Variants in CNTRL observed in about 807,000 individuals in gnomAD.
CNTRL encodes the protein 110 kDa centrosomal protein.
In CNTRL, 233 loss-of-function variants were observed where a neutral mutation model predicts 303.7. The ratio of observed to expected loss-of-function variants is 0.77; its 90% CI spans 0.69 to 0.86. The LOEUF (loss-of-function observed/expected upper bound fraction) is 0.86. Among genes scored for constraint, CNTRL ranks in the 40% least tolerant of loss-of-function variants. The pLI is 0.00. For missense variants in CNTRL, 2,524 were observed against 2,650.6 expected (o/e 0.95, Z 1.05); for synonymous variants, 900 against 922.2 (o/e 0.98, Z 0.44).
At chr9:121,132,801 A>T (rs1043712080) in intron 14 of CNTRL, among the ~76,000 whole-genome samples, 1 of 151,968 alleles carries the variant, frequency 6.6e-6, no homozygotes, top group African/African-American at 2.4e-5. Context: ...TCTTTGGTCT[A>T]CCTCCAGATG....
At position 121,112,539 on chromosome 9, in the gene CNTRL, T is replaced by C; in HGVS notation, c.1083T>C (p.Ile361=). Reference sequence around the variant, plus strand: ...AACAGGAATTGGCCTTTTATAAAATTGATGCTAAATTTGAGCCACTAAATT... The same window carrying C: ...AACAGGAATTGGCCTTTTATAAAATCGATGCTAAATTTGAGCCACTAAATT... The part of the protein sequence containing the change: ...ELEQELAFYK[I]DAKFEPLNYY... Residue 361 remains isoleucine, a synonymous_variant, in exon 9 of 44, where the codon ATT becomes ATC. Transcript: ENST00000373855. The C allele has an allele frequency of 1.2e-6, 2 of 1,612,604 alleles. No homozygotes were observed. Among genetic ancestry groups the C allele is most frequent in the South Asian group, 1.1e-5 (1 of 91,046 alleles).
At chr9:121,122,575 G>T (rs2050289771) in intron 12 of CNTRL, 1 of 226,176 alleles carries the variant, frequency 4.4e-6, no homozygotes, top group Non-Finnish European at 7.4e-6. Context: ...TGATCCTGTG[G>T]GTACCAACTT....
chr9:121,171,200 A>G (rs1588339463), intron 39 of CNTRL: 3 of 644,420 alleles, frequency 4.7e-6, no homozygotes, highest in East Asian at 6.1e-5. Flanking sequence ...GCTTATTATC[A>G]AAGGTAATGC....
intron 15 of CNTRL, 30 bp from the exon 16 acceptor site, chr9:121,138,515 C>T (rs2051319808): frequency 1.2e-6 from 2 of 1,604,006 alleles, no homozygotes; most frequent in East Asian, 2.2e-5. Context: ...CTGTTTTACA[C>T]TTTCATGTCA....
At chr9:121,091,798 C>T (rs1054926313) in intron 4 of CNTRL, among the ~76,000 whole-genome samples, 1 of 151,410 alleles carries the variant, frequency 6.6e-6, no homozygotes, top group East Asian at 1.9e-4. Context: ...GAGCCAAGAT[C>T]GCGCCATTGT....
At position 121,162,172 on chromosome 9, in the gene CNTRL, C is replaced by A. The variant is rs1179501566; in HGVS notation, c.5324C>A (p.Ser1775Tyr). Residue 1775 changes from serine (S) to tyrosine (Y), a missense_variant, in exon 34 of 44, where the codon TCC becomes TAC. Coordinates refer to ENST00000373855, the MANE Select transcript of CNTRL (RefSeq NM_007018.6). ...KREIERMTAE[S>Y]RALQSCVECL... ...GAAATAGAACGAATGACTGCTGAGT[C>A]CCGAGCTTTACAATCGTGTGTTGAG... 1 of 1,614,076 alleles carries A rather than the reference C, an allele frequency of 6.2e-7. No homozygotes were observed. Among genetic ancestry groups the A allele is most frequent in the Non-Finnish European group, 8.5e-7 (1 of 1,180,002 alleles).
chr9:121,098,412 G>C lies in CNTRL; in HGVS notation c.648G>C (p.Pro216=). Residue 216 remains proline (P), a synonymous_variant, in exon 7 of 44, where the codon CCG becomes CCC. Coordinates refer to ENST00000373855, the MANE Select transcript of CNTRL (RefSeq NM_007018.6). ...TCCAAGATATAAGCAAGTTGAAACCGCTTCAAGATTTGATTTCTCTGATCC... is the reference window on the plus strand; with the variant it reads ...TCCAAGATATAAGCAAGTTGAAACCCCTTCAAGATTTGATTTCTCTGATCC... ...SSLQDISKLK[P]LQDLISLILV... 6.2e-7 allele frequency: 1 copy of C among 1,611,922 alleles called. No individual in the cohort carries two copies. The highest frequency in any genetic ancestry group is 8.5e-7 in the Non-Finnish European group (1 of 1,178,522).
In CNTRL at chr9:121,107,756, A is replaced by G. The variant is rs747938207; in HGVS notation, c.809-46A>G. The G allele has an allele frequency of 7.7e-6, 9 of 1,171,532 alleles. No individual in the cohort carries two copies. The East Asian group carries it at 2.0e-4, about 25-fold the overall frequency. 72.6% of individuals were successfully genotyped at this position (1,171,532 alleles called of 1,614,324 possible). On this transcript the variant is annotated intron_variant, in intron 7 of 43. Transcript: ENST00000373855. Reference sequence around the variant, plus strand: ...TGAGAAATATTCTTACCTTTTTAAAAATAGGAAATATAATGATAAATAAAC... The same window carrying G: ...TGAGAAATATTCTTACCTTTTTAAAGATAGGAAATATAATGATAAATAAAC...
At chr9:121,115,825 A>G (rs1049620583) in intron 11 of CNTRL, among the ~76,000 whole-genome samples, 1 of 152,210 alleles carries the variant, frequency 6.6e-6, no homozygotes, top group Admixed American at 6.5e-5. Context: ...CATTCATACC[A>G]CAGTAGGTAG....
intron 31 of CNTRL, among the ~76,000 whole-genome samples, chr9:121,159,855 CCT>C (rs2131723297): frequency 6.6e-6 from 1 of 152,254 alleles, no homozygotes; most frequent in African/African-American, 2.4e-5. Flanking sequence ...GTACTAAGCC[CCT>C]CCAGAGCAGG....
intron 7 of CNTRL, among the ~76,000 whole-genome samples, chr9:121,099,976 A>G (rs1358695025): frequency 6.6e-6 from 1 of 152,248 alleles, no homozygotes; most frequent in Non-Finnish European, 1.5e-5. Flanking sequence ...CCAATTTGGA[A>G]AACACTCTTC....
rs5900472 is a variant in CNTRL, at chr9:121,124,944, G to GA, written c.1805-757dup. ...TAGGTGACAGAGTGAAACTTTGTCT[G>GA]AAAAAAAAAAAAAAAGAGAGAGATA... On this transcript the variant is annotated intron_variant, in intron 13 of 43. Transcript: ENST00000373855. Among the ~76,000 whole-genome samples, 115 of 135,884 alleles carry GA rather than the reference G, an allele frequency of 8.5e-4. 1 individual carries two copies. Among genetic ancestry groups the GA allele is most frequent in the Middle Eastern group, 7.1e-3 (2 of 280 alleles). 89.1% of individuals were successfully genotyped at this position (135,884 alleles called of 152,430 possible).
intron 7 of CNTRL, among the ~76,000 whole-genome samples, chr9:121,105,939 A>G (rs1294866810): frequency 6.6e-6 from 1 of 152,178 alleles, no homozygotes; most frequent in Non-Finnish European, 1.5e-5. Context: ...AAAAATTAAA[A>G]CTGAAAAATT....
intron 2 of CNTRL, among the ~76,000 whole-genome samples, chr9:121,086,118 A>G (rs1273733428): frequency 1.3e-5 from 2 of 152,174 alleles, no homozygotes; most frequent in Non-Finnish European, 2.9e-5. Context: ...GATAGAATCA[A>G]TATTGTTGGA....
At chr9:121,136,878 T>C (rs910336285) in intron 15 of CNTRL, among the ~76,000 whole-genome samples, 3 of 152,154 alleles carry the variant, frequency 2.0e-5, no homozygotes, top group Non-Finnish European at 4.4e-5. Context: ...GACAGGATTC[T>C]TTGGCCAAGG....
intron 43 of CNTRL, among the ~76,000 whole-genome samples, chr9:121,176,890 C>G (rs1336450933): frequency 6.6e-6 from 1 of 152,180 alleles, no homozygotes; most frequent in Non-Finnish European, 1.5e-5. Context: ...TAGACAGTTA[C>G]TGACACTGAT....
chr9:121,126,444 C>T (rs1373392481), intron 14 of CNTRL, among the ~76,000 whole-genome samples: 1 of 152,148 alleles, frequency 6.6e-6, no homozygotes, highest in East Asian at 1.9e-4. Flanking sequence ...TGTTATCATA[C>T]ATGAGAACTA....
Position 121,164,971 on chromosome 9 carries a change from A to T in CNTRL, c.5452A>T (p.Lys1818Ter), listed in dbSNP as rs2053024779. ...RVLAAAEENS[K>*]MEQSNLEKLE... The stretch of plus-strand genomic sequence containing the variant: ...TTTAGCAGCAGCAGAAGAAAATAGC[A>T]AAATGGAGCAATCAAACTTAGAAAA... Residue 1818 changes from lysine (K) to a stop codon, truncating the protein, a stop_gained, in exon 35 of 44, where the codon AAA becomes TAA. Coordinates refer to ENST00000373855, the MANE Select transcript of CNTRL (RefSeq NM_007018.6). LOFTEE classifies it high-confidence loss of function. 6.2e-7 allele frequency: 1 copy of T among 1,612,768 alleles called. No individual in the cohort carries two copies. Among genetic ancestry groups the T allele is most frequent in the Admixed American group, 1.7e-5 (1 of 59,660 alleles).
chr9:121,156,757 T>TAA (rs11459130), intron 27 of CNTRL, among the ~76,000 whole-genome samples: 1 of 151,738 alleles, frequency 6.6e-6, no homozygotes, highest in Non-Finnish European at 1.5e-5. Flanking sequence ...CCAAGTTGAT[T>TAA]AAAACAAATG....
Sources: allele counts gnomAD v4.1 joint callset (sites outside exome capture counted in the v4.1 genomes callset), GRCh38; gene constraint gnomAD v4.1.1; transcripts MANE v1.5; gene names NCBI Gene and HGNC (gene_info 2026-07-23, HGNC 2026-07-21).